PIK3C2G: variants seen among roughly 807,000 people sequenced by gnomAD.
PIK3C2G encodes the protein phosphatidylinositol 3-kinase C2 domain-containing subunit gamma.
A neutral mutation model predicts 181.1 loss-of-function variants in PIK3C2G; 168 were observed. The ratio of observed to expected loss-of-function variants is 0.93; its 90% CI spans 0.82 to 1.05. The LOEUF is 1.05. Among genes scored for constraint, PIK3C2G ranks in the 50% least tolerant of loss-of-function variants. The pLI, the probability that PIK3C2G is intolerant of heterozygous loss-of-function variation, is 0.00. For missense variants in PIK3C2G, 1,869 were observed against 1,732.8 expected, an observed-to-expected ratio of 1.08 and a Z score of -1.40; for synonymous variants, 573 against 592.2, an observed-to-expected ratio of 0.97 and a Z score of 0.47.
downstream of PIK3C2G, among the ~76,000 whole-genome samples, chr12:18,650,722 A>G (rs76797997): frequency 0.027 from 451 of 16,504 alleles, 19 homozygotes; most frequent in African/African-American, 0.19. Context: ...CTATATATAT[A>G]TATATATATA....
At chr12:18,688,206 T>C in the PIK3C2G span, 3 of 1,609,390 alleles carry the variant, frequency 1.9e-6, no homozygotes, top group Non-Finnish European at 2.5e-6. Context: ...GGCAACTGGA[T>C]ACCACTGATG....
At chr12:18,433,300 A>G (rs12423517) in intron 18 of PIK3C2G, among the ~76,000 whole-genome samples, 37,705 of 151,892 alleles carry the variant, frequency 0.25, 5,030 homozygotes, top group Admixed American at 0.35. Flanking sequence ...AGGTCATGAG[A>G]TCAGGAGTTT....
At chr12:18,651,815 G>T (rs1387980080), downstream of PIK3C2G, among the ~76,000 whole-genome samples, 1 of 152,116 alleles carries the variant, frequency 6.6e-6, no homozygotes, top group East Asian at 1.9e-4. Flanking sequence ...CCAGTTGATT[G>T]TTCACAGACA....
chr12:18,585,835 G>A (rs568703299), intron 29 of PIK3C2G, among the ~76,000 whole-genome samples: 1 of 152,054 alleles, frequency 6.6e-6, no homozygotes, highest in African/African-American at 2.4e-5. Context: ...TAACCAGAAT[G>A]ATACCAAACA....
intron 24 of PIK3C2G, among the ~76,000 whole-genome samples, chr12:18,521,839 C>A (rs1942939770): frequency 6.6e-6 from 1 of 152,238 alleles, no homozygotes; most frequent in Admixed American, 6.5e-5. Flanking sequence ...AGCCGAGTGG[C>A]TGTTGAGAAT....
At chr12:18,622,039 C>T (rs1040164521) in intron 31 of PIK3C2G, among the ~76,000 whole-genome samples, 20 of 151,832 alleles carry the variant, frequency 1.3e-4, no homozygotes, top group Non-Finnish European at 2.8e-4. Flanking sequence ...ACATATATCA[C>T]CTCAAATATT....
At chr12:18,712,866 T>C in the PIK3C2G span, 1 of 1,613,722 alleles carries the variant, frequency 6.2e-7, no homozygotes, top group Admixed American at 1.7e-5. Flanking sequence ...TGTGTATAGC[T>C]TGGATAACAG....
the PIK3C2G span, among the ~76,000 whole-genome samples, chr12:18,661,376 A>AG: frequency 0.12 from 18,657 of 151,388 alleles, 1,353 homozygotes; most frequent in African/African-American, 0.2. Context: ...AATAAAAAAA[A>AG]AGAGAGAGAG....
intron 18 of PIK3C2G, among the ~76,000 whole-genome samples, chr12:18,434,205 A>T (rs1946318610): frequency 6.6e-6 from 1 of 152,182 alleles, no homozygotes; most frequent in Non-Finnish European, 1.5e-5. Context: ...GAAGAAAAGC[A>T]AACTGACTTT....
rs1226389808 is a variant in PIK3C2G at position 18,640,536 on chromosome 12, C to T, written c.4290C>T (p.Asp1430=). 1.3e-6 allele frequency: 2 copies of T among 1,599,366 alleles called. No individual in the cohort carries two copies. The highest frequency in any genetic ancestry group is 1.1e-5 in the South Asian group (1 of 88,802). Residue 1430 remains aspartate (D), a synonymous_variant, in exon 32 of 33, where the codon GAC becomes GAT. Transcript: ENST00000538779. ...RKTKSVPKCT[D]PTYNEIVVYD... ...CAAAATCTGTTCCAAAATGTACGGA[C>T]CCCACTTACAATGAAATTGTAAGTA...
chr12:18,694,866 T>C, the PIK3C2G span: 1 of 1,436,104 alleles, frequency 7.0e-7, no homozygotes, highest in Non-Finnish European at 9.6e-7. Context: ...CTATCTAGTT[T>C]ATATAATAAC....
At chr12:18,542,231 G>A (rs747753707) in intron 25 of PIK3C2G, among the ~76,000 whole-genome samples, 1 of 151,774 alleles carries the variant, frequency 6.6e-6, no homozygotes, top group African/African-American at 2.4e-5. Flanking sequence ...ATGAGCACAC[G>A]GAAGTCTCCA....
At chr12:18,511,759 C>T (rs1942221752) in intron 24 of PIK3C2G, among the ~76,000 whole-genome samples, 1 of 151,984 alleles carries the variant, frequency 6.6e-6, no homozygotes, top group African/African-American at 2.4e-5. Context: ...TTCTCAGATT[C>T]TATGGGCCAT....
At chr12:18,366,937 T>C (rs930685722) in intron 12 of PIK3C2G, among the ~76,000 whole-genome samples, 4 of 152,164 alleles carry the variant, frequency 2.6e-5, no homozygotes, top group African/African-American at 9.7e-5. Context: ...GAAGCACTTA[T>C]TCTTATCCTA....
intron 8 of PIK3C2G, among the ~76,000 whole-genome samples, chr12:18,325,462 A>T (rs1951296725): frequency 6.6e-6 from 1 of 152,170 alleles, no homozygotes. Context: ...GAACAGAGGC[A>T]CTTTGGGAGT....
the PIK3C2G span, among the ~76,000 whole-genome samples, chr12:18,716,537 G>A: frequency 6.6e-6 from 1 of 152,170 alleles, no homozygotes; most frequent in Non-Finnish European, 1.5e-5. Flanking sequence ...TGGAAACAGA[G>A]AAAATTTCTC....
At chr12:18,526,243 A>T (rs1943227413) in intron 24 of PIK3C2G, among the ~76,000 whole-genome samples, 1 of 152,132 alleles carries the variant, frequency 6.6e-6, no homozygotes, top group Non-Finnish European at 1.5e-5. Flanking sequence ...AGGTAATAAT[A>T]ATCTCCTTCA....
chr12:18,712,834 G>A, the PIK3C2G span: 12 of 1,613,332 alleles, frequency 7.4e-6, no homozygotes, highest in Non-Finnish European at 1.0e-5. Context: ...ACAAAGATAT[G>A]TACATACCAT....
intron 18 of PIK3C2G, among the ~76,000 whole-genome samples, chr12:18,471,519 T>A (rs753910859): frequency 2.6e-5 from 4 of 152,192 alleles, no homozygotes; most frequent in Non-Finnish European, 4.4e-5. Context: ...CCTGAATAAT[T>A]CTTGCTTGTT....
Sources: allele counts gnomAD v4.1 joint callset (sites outside exome capture counted in the v4.1 genomes callset), GRCh38; gene constraint gnomAD v4.1.1; transcripts MANE v1.5; gene names NCBI Gene and HGNC (gene_info 2026-07-23, HGNC 2026-07-21).